KMT5B: variants seen among roughly 807,000 people sequenced by gnomAD.
KMT5B encodes lysine methyltransferase 5B, also known as histone-lysine N-methyltransferase KMT5B.
In KMT5B, 10 loss-of-function variants were observed where a neutral mutation model predicts 83.2. That is an observed-to-expected ratio of 0.12 (90% CI 0.07 to 0.20). The LOEUF (loss-of-function observed/expected upper bound fraction) is 0.20. KMT5B is among the 10% of genes least tolerant of loss of function. The pLI, the probability that KMT5B is intolerant of heterozygous loss-of-function variation, is 1.00. For missense variants in KMT5B, 753 were observed against 1,067.2 expected (o/e 0.71, Z 4.10); for synonymous variants, 349 against 388.8 (o/e 0.90, Z 1.20).
intron 10 of KMT5B, 129 bp downstream of exon 10, chr11:68,166,853 G>T: frequency 6.8e-7 from 1 of 1,473,934 alleles, no homozygotes; most frequent in East Asian, 2.5e-5. Context: ...GCCTTGAAGT[G>T]CAGCCAAAGC....
At chr11:68,201,413 G>T (rs1859427161) in intron 1 of KMT5B, among the ~76,000 whole-genome samples, 1 of 152,176 alleles carries the variant, frequency 6.6e-6, no homozygotes, top group African/African-American at 2.4e-5. Flanking sequence ...GCCAGTGATG[G>T]CCCCTCAACA....
At chr11:68,197,387 T>C (rs1448721312) in intron 1 of KMT5B, among the ~76,000 whole-genome samples, 1 of 152,218 alleles carries the variant, frequency 6.6e-6, no homozygotes, top group Non-Finnish European at 1.5e-5. Flanking sequence ...CAAGCTCCAG[T>C]GTAAGAGCAA....
Position 68,173,923 on chromosome 11 carries a change from G to T in KMT5B, c.544-10C>A, listed in dbSNP as rs957894607. ...GCAAATAAATAAATACCTAAAACAG[G>T]AAAAAAAAATTGATAATGACTTTAA... On this transcript the variant is annotated splice_polypyrimidine_tract_variant and intron_variant, in intron 5 of 10. Transcript: ENST00000304363. 2.7e-6 allele frequency: 4 copies of T among 1,460,624 alleles called. No homozygotes were observed. The highest frequency in any genetic ancestry group is 3.8e-6 in the Non-Finnish European group (4 of 1,062,514). 90.5% of individuals were successfully genotyped at this position (1,460,624 alleles called of 1,614,324 possible).
chr11:68,186,594 T>C (rs1427075418), intron 2 of KMT5B, among the ~76,000 whole-genome samples: 1 of 152,104 alleles, frequency 6.6e-6, no homozygotes, highest in Non-Finnish European at 1.5e-5. Flanking sequence ...CAGACTGAAA[T>C]ATATAACTGA....
rs1015468989 is a variant in KMT5B, at chr11:68,157,397, T to C, written c.*291A>G. The C allele has an allele frequency of 2.0e-5, 5 of 250,512 alleles. No homozygotes were observed. The highest frequency in any genetic ancestry group is 3.7e-5 in the Non-Finnish European group (5 of 133,430). 15.5% of individuals were successfully genotyped at this position (250,512 alleles called of 1,614,324 possible). A position where few individuals can be genotyped will look rare whatever the true frequency, so the allele number is the denominator to read the frequency against. On this transcript the variant is annotated 3_prime_UTR_variant, in exon 11 of 11. Coordinates refer to ENST00000304363, the MANE Select transcript of KMT5B (RefSeq NM_017635.5). Reference sequence around the variant, plus strand: ...AGCCACATTACTGTTTTCAACGTCCTGTGTGGAAAGTTGCTATCACTGTAC... The same window carrying C: ...AGCCACATTACTGTTTTCAACGTCCCGTGTGGAAAGTTGCTATCACTGTAC...
rs1461909002 is a variant in KMT5B at position 68,171,697 on chromosome 11, G to C, written c.666C>G (p.Asp222Glu). Reference sequence around the variant, plus strand: ...TACAACCCACCAGTAATTCTATTTTGTCATTTCGTTTCCTATTTAAAATAT... The same window carrying C: ...TACAACCCACCAGTAATTCTATTTTCTCATTTCGTTTCCTATTTAAAATAT... Reference protein sequence around the residue: ...IVATKEWKRNDKIELLVGCIA... With the variant: ...IVATKEWKRNEKIELLVGCIA... Residue 222 changes from aspartate (D) to glutamate (E), a missense_variant, in exon 7 of 11, where the codon GAC (aspartate) becomes GAG (glutamate). By Grantham distance (45) the Asp-to-Glu change is conservative. Transcript: ENST00000304363. This position sits in a 1 kb window ranked among gnomAD's most constrained non-coding sequence, Gnocchi z 5.1. The C allele has an allele frequency of 6.2e-7, 1 of 1,610,766 alleles. No homozygotes were observed. Among genetic ancestry groups the C allele is most frequent in the Admixed American group, 1.7e-5 (1 of 59,576 alleles).
At chr11:68,198,016 C>T (rs939035015) in intron 1 of KMT5B, among the ~76,000 whole-genome samples, 2 of 152,186 alleles carry the variant, frequency 1.3e-5, no homozygotes, top group African/African-American at 4.8e-5. Context: ...TTCTTGCTGG[C>T]ATGATCTTTC....
At chr11:68,162,748 A>T (rs1282103134) in intron 10 of KMT5B, among the ~76,000 whole-genome samples, 1 of 152,222 alleles carries the variant, frequency 6.6e-6, no homozygotes, top group Non-Finnish European at 1.5e-5. Flanking sequence ...ATTTGATGCT[A>T]TGTATTACAT....
intron 4 of KMT5B, chr11:68,176,377 T>C (rs1223718855): frequency 6.6e-6 from 1 of 152,198 alleles, no homozygotes; most frequent in Non-Finnish European, 1.5e-5. Context: ...TACTATAAAG[T>C]TACTAGCATC....
At chr11:68,188,163 T>C (rs965573496) in intron 2 of KMT5B, among the ~76,000 whole-genome samples, 4 of 151,212 alleles carry the variant, frequency 2.6e-5, no homozygotes, top group South Asian at 2.1e-4. Flanking sequence ...TAGTTGGGAC[T>C]ACAGGCACCT....
chr11:68,158,279 A>T lies in KMT5B; in HGVS notation c.2067T>A (p.Phe689Leu). ...TSDSFKTKDS[F>L]RTAKSKKKRR... ...TCTTCTTTTTACTTTTTGCAGTTCT[A>T]AAGCTGTCTTTTGTTTTGAAGCTAT... Residue 689 changes from phenylalanine (F) to leucine (L), a missense_variant, in exon 11 of 11, where the codon TTT becomes TTA. Transcript: ENST00000304363. 6 of 1,614,166 alleles carry T rather than the reference A, an allele frequency of 3.7e-6. No homozygotes were observed. The highest frequency in any genetic ancestry group is 5.1e-6 in the Non-Finnish European group (6 of 1,180,042).
intron 1 of KMT5B, among the ~76,000 whole-genome samples, chr11:68,202,326 A>G (rs1270682862): frequency 6.6e-6 from 1 of 152,176 alleles, no homozygotes; most frequent in Non-Finnish European, 1.5e-5. Flanking sequence ...CACAAAGGAA[A>G]GGGAAACAGC....
intron 1 of KMT5B, among the ~76,000 whole-genome samples, chr11:68,196,186 C>T (rs1858686409): frequency 6.6e-6 from 1 of 151,526 alleles, no homozygotes; most frequent in African/African-American, 2.4e-5. Flanking sequence ...GCATTTTTTT[C>T]CTGGGGGTGT....
chr11:68,158,429 G>A lies in KMT5B; in HGVS notation c.1917C>T (p.Asp639=), dbSNP rs149239650. 216 of 1,614,098 alleles carry A rather than the reference G, an allele frequency of 1.3e-4. No individual in the cohort carries two copies. Among genetic ancestry groups the A allele is most frequent in the Admixed American group, 2.8e-4 (17 of 60,012 alleles). Residue 639 remains aspartate, a synonymous_variant, in exon 11 of 11, where the codon GAC becomes GAT. Coordinates refer to ENST00000304363, the MANE Select transcript of KMT5B (RefSeq NM_017635.5). ...GACCCATCAAATCTGGTACCGCGTC[G>A]TCTTTTCCAGGAGAATCGTGCACTG... ...STPVHDSPGK[D]DAVPDLMGPH...
chr11:68,206,263 G>A (rs1012898422), intron 1 of KMT5B, among the ~76,000 whole-genome samples: 12 of 152,148 alleles, frequency 7.9e-5, no homozygotes, highest in African/African-American at 2.9e-4. Context: ...CTTTGTTACT[G>A]TTTTCTCTAG....
intron 6 of KMT5B, among the ~76,000 whole-genome samples, chr11:68,173,293 G>A (rs1411878515): frequency 3.9e-5 from 6 of 152,158 alleles, no homozygotes; most frequent in East Asian, 3.9e-4. Context: ...TGCCTGCCTC[G>A]GCCTCCCAAA....
chr11:68,186,121 G>A (rs942378712), intron 2 of KMT5B, among the ~76,000 whole-genome samples, 193 bp from the exon 3 acceptor site: 1 of 152,166 alleles, frequency 6.6e-6, no homozygotes, highest in African/African-American at 2.4e-5. Context: ...ATTACTGAGA[G>A]TATTATCGTT....
chr11:68,173,705 T>C (rs1480850359), intron 6 of KMT5B, 99 bp downstream of exon 6: 2 of 820,814 alleles, frequency 2.4e-6, no homozygotes, highest in South Asian at 1.8e-5. Flanking sequence ...CAGGGTAAAC[T>C]CTGGCTTCAT....
At chr11:68,178,520 A>G (rs1309019382) in intron 4 of KMT5B, among the ~76,000 whole-genome samples, 1 of 152,144 alleles carries the variant, frequency 6.6e-6, no homozygotes, top group Non-Finnish European at 1.5e-5. Context: ...AAGAACCTCT[A>G]TTTCACTAAA....
Sources: allele counts gnomAD v4.1 joint callset (sites outside exome capture counted in the v4.1 genomes callset), GRCh38; gene constraint gnomAD v4.1.1; non-coding constraint Gnocchi (gnomAD v3.1); transcripts MANE v1.5; gene names NCBI Gene and HGNC (gene_info 2026-07-23, HGNC 2026-07-21).